ULK4: variants seen among roughly 807,000 people sequenced by gnomAD.
ULK4 encodes the protein unc-51 like kinase 4.
ULK4 carries 133 observed loss-of-function variants against 160.6 expected under a neutral mutation model. That is an observed-to-expected ratio of 0.83 (90% CI 0.72 to 0.96). The LOEUF is 0.96. Among genes scored for constraint, ULK4 ranks in the 40% least tolerant of loss-of-function variants. ULK4 has a pLI of 0.00. For missense variants in ULK4, 1,580 were observed against 1,499.5 expected (o/e 1.05, Z -0.89); for synonymous variants, 534 against 539.8 (o/e 0.99, Z 0.15).
intron 31 of ULK4, among the ~76,000 whole-genome samples, chr3:41,614,208 T>C (rs551350859): frequency 6.6e-6 from 1 of 152,286 alleles, no homozygotes; most frequent in Admixed American, 6.5e-5. Context: ...TTAGAAGCCC[T>C]CCTTGCCACA....
chr3:41,315,668 G>C (rs994403475), intron 35 of ULK4, among the ~76,000 whole-genome samples: 2 of 152,136 alleles, frequency 1.3e-5, no homozygotes, highest in African/African-American at 4.8e-5. Flanking sequence ...CTCTAGGCTG[G>C]TGTAGCCAAG....
chr3:41,409,515 T>C (rs1254795176), intron 34 of ULK4, among the ~76,000 whole-genome samples: 1 of 152,232 alleles, frequency 6.6e-6, no homozygotes, highest in African/African-American at 2.4e-5. Context: ...TGATATATAA[T>C]ATTTCTTACA....
At chr3:41,328,289 T>C (rs1162453438) in intron 35 of ULK4, among the ~76,000 whole-genome samples, 1 of 152,126 alleles carries the variant, frequency 6.6e-6, no homozygotes, top group Non-Finnish European at 1.5e-5. Flanking sequence ...GCATCATCAA[T>C]AGAAAAACCA....
chr3:41,599,239 A>C (rs1471611375), intron 31 of ULK4, among the ~76,000 whole-genome samples: 2 of 152,090 alleles, frequency 1.3e-5, no homozygotes, highest in Admixed American at 6.5e-5. Context: ...AGGATGAGCT[A>C]ATGTTTAGGT....
chr3:41,614,257 C>G (rs956720815), intron 31 of ULK4, among the ~76,000 whole-genome samples: 1 of 152,216 alleles, frequency 6.6e-6, no homozygotes, highest in Non-Finnish European at 1.5e-5. Flanking sequence ...AAGGCCCATT[C>G]TAGCTCTAGG....
chr3:41,814,865 T>C (rs1227325250), intron 19 of ULK4, among the ~76,000 whole-genome samples: 1 of 151,954 alleles, frequency 6.6e-6, no homozygotes, highest in Non-Finnish European at 1.5e-5. Flanking sequence ...TATAACTTTA[T>C]GTTTTAGATG....
chr3:41,853,604 GC>G (rs1292136130), intron 17 of ULK4, among the ~76,000 whole-genome samples: 1 of 152,118 alleles, frequency 6.6e-6, no homozygotes, highest in African/African-American at 2.4e-5. Context: ...ATAAGCACTG[GC>G]CTCAAGACAG....
At chr3:41,263,150 T>C (rs938095788) in intron 35 of ULK4, among the ~76,000 whole-genome samples, 5 of 140,172 alleles carry the variant, frequency 3.6e-5, no homozygotes, top group African/African-American at 1.6e-4. Context: ...GAAAAAATAC[T>C]TGGGGTGGTA....
At chr3:41,773,499 G>C (rs2039484432) in intron 21 of ULK4, among the ~76,000 whole-genome samples, 2 of 152,036 alleles carry the variant, frequency 1.3e-5, no homozygotes, top group Admixed American at 6.6e-5. Flanking sequence ...AAATACCTAG[G>C]AATCCAACTT....
chr3:41,809,828 A>C (rs17215988), intron 19 of ULK4, among the ~76,000 whole-genome samples: 18,837 of 152,210 alleles, frequency 0.12, 1,344 homozygotes, highest in Middle Eastern at 0.27. Flanking sequence ...AATTTCTAAA[A>C]TCGACTTAAG....
intron 22 of ULK4, among the ~76,000 whole-genome samples, chr3:41,738,112 A>G (rs2038117696): frequency 6.6e-6 from 1 of 151,938 alleles, no homozygotes; most frequent in Non-Finnish European, 1.5e-5. Flanking sequence ...CATTTAAACT[A>G]TTTGTTCAAC....
chr3:41,588,411 A>T (rs1451004001), intron 31 of ULK4, among the ~76,000 whole-genome samples: 1 of 152,242 alleles, frequency 6.6e-6, no homozygotes, highest in African/African-American at 2.4e-5. Flanking sequence ...TCACAGAAAA[A>T]TTATGACAAA....
intron 34 of ULK4, among the ~76,000 whole-genome samples, chr3:41,450,666 A>G (rs548444645): frequency 6.6e-5 from 10 of 152,324 alleles, no homozygotes; most frequent in African/African-American, 1.7e-4. Flanking sequence ...CAATTCCAGC[A>G]CCTCATTCTG....
At chr3:41,712,971 C>G (rs1423502758) in intron 25 of ULK4, among the ~76,000 whole-genome samples, 1 of 151,804 alleles carries the variant, frequency 6.6e-6, no homozygotes, top group Non-Finnish European at 1.5e-5. Flanking sequence ...GACTACTTCC[C>G]TATGTCACCA....
At chr3:41,907,247 A>G (rs776652973) in intron 12 of ULK4, among the ~76,000 whole-genome samples, 26 of 152,000 alleles carry the variant, frequency 1.7e-4, no homozygotes, top group Non-Finnish European at 3.2e-4. Flanking sequence ...AACTGTGGTG[A>G]TAGTTGCACA....
intron 32 of ULK4, among the ~76,000 whole-genome samples, chr3:41,535,862 T>G (rs1253385818): frequency 3.3e-5 from 5 of 152,192 alleles, no homozygotes; most frequent in Non-Finnish European, 1.5e-5. Flanking sequence ...GTTTCTGACC[T>G]CAATGTACTC....
intron 20 of ULK4, among the ~76,000 whole-genome samples, chr3:41,790,631 T>C (rs749661274): frequency 3.3e-5 from 5 of 152,132 alleles, no homozygotes; most frequent in Non-Finnish European, 5.9e-5. Context: ...CTTGAGAGAA[T>C]AGAACAAGTA....
intron 35 of ULK4, chr3:41,278,213 AC>A (rs2079267237): frequency 6.6e-6 from 1 of 152,414 alleles, no homozygotes; most frequent in Non-Finnish European, 1.5e-5. Context: ...TCTGGGATCA[AC>A]CTGTAAGGCT....
chr3:41,563,678 G>A (rs1050406227), intron 32 of ULK4, among the ~76,000 whole-genome samples: 13 of 152,204 alleles, frequency 8.5e-5, no homozygotes, highest in African/African-American at 2.4e-4. Context: ...CATGCGTCAC[G>A]AAGTTCTCGT....
Sources: allele counts gnomAD v4.1 joint callset (sites outside exome capture counted in the v4.1 genomes callset), GRCh38; gene constraint gnomAD v4.1.1; transcripts MANE v1.5; gene names NCBI Gene and HGNC (gene_info 2026-07-23, HGNC 2026-07-21).